Variants in IPO8 observed in about 807,000 individuals in gnomAD.
The protein encoded by IPO8 is importin 8.
IPO8 carries 65 observed loss-of-function variants against 141.2 expected under a neutral mutation model. The ratio of observed to expected loss-of-function variants is 0.46; its 90% CI spans 0.38 to 0.57. The LOEUF is 0.57. IPO8 is among the 20% of genes least tolerant of loss of function. The pLI is 0.00. For synonymous variants in IPO8, 411 were observed against 420.3 expected (o/e 0.98, Z 0.27); for missense variants, 980 against 1,246.8 (o/e 0.79, Z 3.22).
intron 21 of IPO8, among the ~76,000 whole-genome samples, chr12:30,638,309 G>A (rs190981903): frequency 6.6e-6 from 1 of 152,250 alleles, no homozygotes; most frequent in East Asian, 1.9e-4. Context: ...TTCCCTTCAA[G>A]GTTTTAATAA....
rs769396050 is a variant in IPO8 at position 30,674,050 on chromosome 12, T to C, written c.849A>G (p.Thr283=). 6.3e-7 allele frequency: 1 copy of C among 1,588,600 alleles called. No individual in the cohort carries two copies. The highest frequency in any genetic ancestry group is 1.7e-5 in the Admixed American group (1 of 59,798). ...ATTCAGAAAATTCAAAGTATTCTTT[T>C]GTGACATTTCCTGGGCTTCCATATC... ...FERYGSPGNV[T]KEYFEFSEFF... is the part of the protein sequence containing the mutation. Residue 283 remains threonine, a synonymous_variant, in exon 8 of 25, where the codon ACA becomes ACG. Transcript: ENST00000256079.
intron 16 of IPO8, among the ~76,000 whole-genome samples, chr12:30,660,492 A>C (rs1016173948): frequency 6.6e-6 from 1 of 152,204 alleles, no homozygotes; most frequent in Non-Finnish European, 1.5e-5. Context: ...CAAGTTTCTT[A>C]AATCCACCTG....
chr12:30,661,116 A>G (rs780654812), intron 16 of IPO8, 25 bp downstream of exon 16: 23 of 1,465,540 alleles, frequency 1.6e-5, no homozygotes, highest in East Asian at 1.3e-4. Flanking sequence ...CTACTATTAT[A>G]TCATAAACCA....
intron 18 of IPO8, 86 bp downstream of exon 18, chr12:30,652,881 A>T: frequency 8.3e-7 from 1 of 1,198,934 alleles, no homozygotes; most frequent in Non-Finnish European, 1.2e-6. Flanking sequence ...TCAATATTGG[A>T]ATCATATGTG....
At chr12:30,645,606 T>C (rs1329992027) in intron 20 of IPO8, among the ~76,000 whole-genome samples, 2 of 151,250 alleles carry the variant, frequency 1.3e-5, no homozygotes, top group African/African-American at 4.9e-5. Flanking sequence ...AAATCAAAAT[T>C]GATAAACTTT....
intron 1 of IPO8, among the ~76,000 whole-genome samples, chr12:30,694,197 T>G (rs1157369239): frequency 6.6e-6 from 1 of 152,164 alleles, no homozygotes; most frequent in East Asian, 1.9e-4. Context: ...ACCCCTGGAT[T>G]ACTATTCTTC....
chr12:30,643,327 T>A (rs1008088185), intron 20 of IPO8, among the ~76,000 whole-genome samples: 4 of 152,210 alleles, frequency 2.6e-5, no homozygotes, highest in Admixed American at 2.6e-4. Flanking sequence ...ATGTAATCAC[T>A]AATTTACAGG....
intron 14 of IPO8, among the ~76,000 whole-genome samples, chr12:30,662,966 T>C (rs903965764): frequency 1.3e-5 from 2 of 152,186 alleles, no homozygotes; most frequent in East Asian, 1.9e-4. Context: ...AGAGGCAAAC[T>C]ACGTTCACGT....
intron 20 of IPO8, among the ~76,000 whole-genome samples, chr12:30,646,231 C>A (rs2052644158): frequency 6.6e-6 from 1 of 152,142 alleles, no homozygotes; most frequent in Non-Finnish European, 1.5e-5. Context: ...TGTAATACAT[C>A]TCTATTCTAA....
In IPO8 at chr12:30,635,134, A is replaced by G. The variant is rs1013279808; in HGVS notation, c.2696-848T>C. Among the ~76,000 whole-genome samples, 4 of 152,242 alleles carry G rather than the reference A, an allele frequency of 2.6e-5. No individual in the cohort carries two copies. The East Asian group carries it at 7.7e-4, about 29-fold the overall frequency. Reference sequence around the variant, plus strand: ...AACAATCAAACTCATAGAAGTAGAGAATAGAATGGTGGTTACCAGAGGCTA... The same window carrying G: ...AACAATCAAACTCATAGAAGTAGAGGATAGAATGGTGGTTACCAGAGGCTA... On this transcript the variant is annotated intron_variant, in intron 22 of 24. Coordinates refer to ENST00000256079, the MANE Select transcript of IPO8 (RefSeq NM_006390.4).
Position 30,695,547 on chromosome 12 carries a change from G to A in IPO8, c.84+17C>T. The A allele has an allele frequency of 1.2e-6, 2 of 1,611,044 alleles. No homozygotes were observed. The highest frequency in any genetic ancestry group is 1.7e-6 in the Non-Finnish European group (2 of 1,177,820). On this transcript the variant is annotated intron_variant, in intron 1 of 24. Coordinates refer to ENST00000256079, the MANE Select transcript of IPO8 (RefSeq NM_006390.4). This position sits in a 1 kb window ranked among gnomAD's most constrained non-coding sequence, Gnocchi z 4.2. Reference sequence around the variant, plus strand: ...GCCCCTTCGGCGGAAGAGGGTCGCCGAAGACCCTCTCCTCACCTGGTTGAG... The same window carrying A: ...GCCCCTTCGGCGGAAGAGGGTCGCCAAAGACCCTCTCCTCACCTGGTTGAG...
intron 4 of IPO8, 120 bp downstream of exon 4, chr12:30,681,539 A>G (rs1448773716): frequency 1.1e-6 from 1 of 927,248 alleles, no homozygotes. Context: ...TGTTTAACCC[A>G]ACATTTCCCA....
At chr12:30,669,766 C>CA (rs11405735) in intron 9 of IPO8, among the ~76,000 whole-genome samples, 1,568 of 147,334 alleles carry the variant, frequency 0.011, 19 homozygotes, top group African/African-American at 0.035. Flanking sequence ...ACTCCAGCTC[C>CA]AAAAAAAAAA....
At chr12:30,690,706 A>G (rs1200197005) in intron 1 of IPO8, 129 bp from the exon 2 acceptor site, 2 of 524,698 alleles carry the variant, frequency 3.8e-6, no homozygotes, top group African/African-American at 4.0e-5. Flanking sequence ...AAACCCTTCA[A>G]GGCAAAATGA....
rs139739484 is a variant in IPO8 at position 30,632,273 on chromosome 12, G to A, written c.2900-262C>T. ...GTCTGCCTAGTTCTCTGTCTCCTTT[G>A]CTGTCTTCTATGGATGTTCTCTAAA... On this transcript the variant is annotated intron_variant, in intron 23 of 24. Coordinates refer to ENST00000256079, the MANE Select transcript of IPO8 (RefSeq NM_006390.4). Among the ~76,000 whole-genome samples the A allele has an allele frequency of 2.9e-4, 44 of 152,250 alleles. 2 individuals are homozygous for A. The East Asian group carries it at 7.7e-3, about 27-fold the overall frequency.
At chr12:30,661,987 C>T (rs1043890704) in intron 15 of IPO8, among the ~76,000 whole-genome samples, 6 of 152,258 alleles carry the variant, frequency 3.9e-5, no homozygotes, top group African/African-American at 1.2e-4. Context: ...TGTCGTTAGG[C>T]AATTTCATCC....
At chr12:30,633,543 C>T (rs770352435) in intron 23 of IPO8, among the ~76,000 whole-genome samples, 1 of 152,138 alleles carries the variant, frequency 6.6e-6, no homozygotes, top group Non-Finnish European at 1.5e-5. Flanking sequence ...GTACATTATG[C>T]CTATTATGCA....
At chr12:30,649,876 G>A (rs2052701930) in intron 19 of IPO8, among the ~76,000 whole-genome samples, 2 of 151,896 alleles carry the variant, frequency 1.3e-5, no homozygotes, top group African/African-American at 2.4e-5. Context: ...AATGTTCCTA[G>A]AGCATGCTTA....
At chr12:30,638,752 C>T (rs1456294327) in intron 21 of IPO8, among the ~76,000 whole-genome samples, 3 of 152,034 alleles carry the variant, frequency 2.0e-5, no homozygotes, top group Admixed American at 6.6e-5. Flanking sequence ...CTGCAAGCTC[C>T]GCCTCCCAGG....
Sources: gnomAD v4.1 joint callset for allele counts (sites outside exome capture counted in the v4.1 genomes callset) on GRCh38, gnomAD v4.1.1 for gene constraint, Gnocchi (gnomAD v3.1) non-coding constraint, MANE v1.5 for transcripts, NCBI Gene and HGNC (gene_info 2026-07-23, HGNC 2026-07-21) for gene names.